The following CSNK1G1 variants were observed in gnomAD, a reference collection of about 807,000 sequenced individuals.
The protein encoded by CSNK1G1 is casein kinase 1 gamma 1.
In CSNK1G1, 22 loss-of-function variants were observed where a neutral mutation model predicts 59.6. That is an observed-to-expected ratio of 0.37 (90% CI 0.26 to 0.53). The LOEUF is 0.53. Ranked by LOEUF, CSNK1G1 falls within the 20% of genes least tolerant of loss-of-function variation. The pLI is 0.89. For missense variants in CSNK1G1, 384 were observed against 519.5 expected (o/e 0.74, Z 2.54); for synonymous variants, 179 against 177.1 (o/e 1.01, Z -0.08).
At chr15:64,324,526 T>C (rs1896738472) in intron 1 of CSNK1G1, among the ~76,000 whole-genome samples, 1 of 152,246 alleles carries the variant, frequency 6.6e-6, no homozygotes, top group Non-Finnish European at 1.5e-5. Flanking sequence ...CTCTTGGACT[T>C]ACACCAGTGG....
chr15:64,297,671 C>T (rs1265180692), intron 2 of CSNK1G1, among the ~76,000 whole-genome samples: 1 of 149,346 alleles, frequency 6.7e-6, no homozygotes, highest in East Asian at 1.9e-4. Context: ...CACTCCAGGG[C>T]GGGTAACAGA....
chr15:64,340,989 CTTTTTTTTTT>C lies in CSNK1G1; in HGVS notation c.-225+14989_-225+14998del, dbSNP rs908101815. Among the ~76,000 whole-genome samples the C allele has an allele frequency of 3.8e-4, 4 of 10,518 alleles. 2 individuals carry two copies. Among genetic ancestry groups the C allele is most frequent in the South Asian group, 2.7e-3 (4 of 1,476 alleles). The allele number at this position is 10,518 out of a possible 152,430, so 6.9% of individuals were successfully genotyped here. On this transcript the variant is annotated intron_variant, in intron 1 of 11. Coordinates refer to ENST00000303052, the MANE Select transcript of CSNK1G1 (RefSeq NM_022048.5). The stretch of plus-strand genomic sequence containing the variant: ...ACCACCACGTCCAGCTAATTTTTAT[CTTTTTTTTTT>C]TTTTTTTTTTTTTTTTTGAGACGGA...
intron 4 of CSNK1G1, among the ~76,000 whole-genome samples, chr15:64,237,755 T>C (rs1474946038): frequency 2.0e-5 from 3 of 152,238 alleles, no homozygotes; most frequent in African/African-American, 4.8e-5. Context: ...AACAGAACCA[T>C]GCTCCTGTTA....
intron 2 of CSNK1G1, among the ~76,000 whole-genome samples, chr15:64,269,789 C>G (rs972405800): frequency 6.6e-6 from 1 of 151,092 alleles, no homozygotes; most frequent in Non-Finnish European, 1.5e-5. Context: ...CCACCATGCC[C>G]GGCCTCTGAT....
intron 2 of CSNK1G1, among the ~76,000 whole-genome samples, chr15:64,298,161 CTGAA>C (rs1895128594): frequency 6.6e-6 from 1 of 152,158 alleles, no homozygotes; most frequent in Admixed American, 6.6e-5. Flanking sequence ...ATGCTTTTAA[CTGAA>C]TGAATTTTTC....
intron 2 of CSNK1G1, among the ~76,000 whole-genome samples, chr15:64,297,561 G>C (rs1895092559): frequency 6.6e-6 from 1 of 151,974 alleles, no homozygotes; most frequent in African/African-American, 2.4e-5. Flanking sequence ...AAAAAAATTA[G>C]CTGGGCGTGT....
At chr15:64,253,544 A>C (rs964352727) in intron 3 of CSNK1G1, among the ~76,000 whole-genome samples, 1 of 152,236 alleles carries the variant, frequency 6.6e-6, no homozygotes, top group Non-Finnish European at 1.5e-5. Context: ...CAGAATCATT[A>C]TGATTTACAA....
chr15:64,208,889 C>CTT (rs201279267), intron 6 of CSNK1G1, among the ~76,000 whole-genome samples: 4 of 136,626 alleles, frequency 2.9e-5, no homozygotes, highest in African/African-American at 5.3e-5. Context: ...TTTCTTTTTT[C>CTT]TTTTTTTTTT....
intron 1 of CSNK1G1, among the ~76,000 whole-genome samples, chr15:64,331,739 CA>C (rs1327295405): frequency 6.9e-6 from 1 of 145,526 alleles, no homozygotes; most frequent in Non-Finnish European, 1.5e-5. Context: ...AGTGAACAGG[CA>C]ACCTACAACA....
chr15:64,210,580 A>G lies in CSNK1G1; in HGVS notation c.680-2986T>C, dbSNP rs1417102408. Among the ~76,000 whole-genome samples, 1 of 152,190 alleles carries G rather than the reference A, an allele frequency of 6.6e-6. No individual in the cohort carries two copies. Among genetic ancestry groups the G allele is most frequent in the African/African-American group, 2.4e-5 (1 of 41,448 alleles). The stretch of plus-strand genomic sequence containing the variant: ...GGTGTGCTTTCATCCAATCAGAAAG[A>G]TGTGCTTGGTTTACATGCATAACAT... On this transcript the variant is annotated intron_variant, in intron 6 of 11. Coordinates refer to ENST00000303052, the MANE Select transcript of CSNK1G1 (RefSeq NM_022048.5). The surrounding 1 kb of genome is among the most constrained non-coding windows in gnomAD (Gnocchi z 4.2).
chr15:64,206,040 C>G (rs1194628813), intron 7 of CSNK1G1, among the ~76,000 whole-genome samples: 1 of 152,178 alleles, frequency 6.6e-6, no homozygotes, highest in Non-Finnish European at 1.5e-5. Context: ...GGCGCGATGG[C>G]TCATGCCTGT....
At chr15:64,196,602 C>T (rs952608975) in intron 10 of CSNK1G1, among the ~76,000 whole-genome samples, 1 of 152,076 alleles carries the variant, frequency 6.6e-6, no homozygotes, top group Non-Finnish European at 1.5e-5. Context: ...CAGGCGGGCA[C>T]CACCATGCCG....
intron 2 of CSNK1G1, among the ~76,000 whole-genome samples, chr15:64,276,270 A>G (rs1349513344): frequency 3.3e-5 from 5 of 152,208 alleles, no homozygotes; most frequent in Non-Finnish European, 5.9e-5. Context: ...GAAAAACTGG[A>G]GTGAATCATT....
At chr15:64,192,588 C>G (rs868034233) in intron 10 of CSNK1G1, among the ~76,000 whole-genome samples, 9 of 152,056 alleles carry the variant, frequency 5.9e-5, no homozygotes, top group African/African-American at 2.2e-4. Flanking sequence ...AAGAGTGACA[C>G]TAACAAAGTG....
chr15:64,217,493 A>G lies in CSNK1G1; in HGVS notation c.293-780T>C, dbSNP rs113735728. On this transcript the variant is annotated intron_variant, in intron 4 of 11. Coordinates refer to ENST00000303052, the MANE Select transcript of CSNK1G1 (RefSeq NM_022048.5). ...TAAATATGAGGCATTCACTAAATAT[A>G]TAACTGGTACCATGAGAATAGTAGA... is the stretch of plus-strand genomic sequence containing the variant. 3.9e-3 allele frequency among the ~76,000 whole-genome samples: 589 copies of G among 152,330 alleles called. 6 individuals carry two copies. The highest frequency in any genetic ancestry group is 0.014 in the African/African-American group (564 of 41,592).
At chr15:64,224,313 T>C (rs2082428505) in intron 4 of CSNK1G1, among the ~76,000 whole-genome samples, 1 of 152,162 alleles carries the variant, frequency 6.6e-6, no homozygotes. Flanking sequence ...CAATTATTAT[T>C]ATAATACATG....
chr15:64,198,862 A>G (rs982795415), intron 10 of CSNK1G1, among the ~76,000 whole-genome samples: 4 of 152,090 alleles, frequency 2.6e-5, no homozygotes, highest in Non-Finnish European at 5.9e-5. Flanking sequence ...TTTACCCAGC[A>G]AGGATTCAGA....
Position 64,288,638 on chromosome 15 carries a change from G to GA in CSNK1G1, c.181+11680dup, listed in dbSNP as rs998731977. ...CTCTTGTCCTAGTAACCCCAACATAGAAAAAAAAAATTGAATCAATCCAGC... is the reference window on the plus strand; with the variant it reads ...CTCTTGTCCTAGTAACCCCAACATAGAAAAAAAAAAATTGAATCAATCCAGC... On this transcript the variant is annotated intron_variant, in intron 2 of 11. Coordinates refer to ENST00000303052, the MANE Select transcript of CSNK1G1 (RefSeq NM_022048.5). Among the ~76,000 whole-genome samples, 38 of 148,222 alleles carry GA rather than the reference G, an allele frequency of 2.6e-4. No homozygotes were observed. The East Asian group carries it at 3.1e-3, about 12-fold the overall frequency.
chr15:64,335,685 G>A (rs1054880450), intron 1 of CSNK1G1: 2 of 152,134 alleles, frequency 1.3e-5, no homozygotes, highest in African/African-American at 2.4e-5. Flanking sequence ...CACAAGCTTA[G>A]TAGTAAAGAA....
Sources: gnomAD v4.1 joint callset for allele counts (sites outside exome capture counted in the v4.1 genomes callset) on GRCh38, gnomAD v4.1.1 for gene constraint, Gnocchi (gnomAD v3.1) non-coding constraint, MANE v1.5 for transcripts, NCBI Gene and HGNC (gene_info 2026-07-23, HGNC 2026-07-21) for gene names.